Variants in LRRTM3 observed in about 807,000 individuals in gnomAD.
LRRTM3 encodes the protein leucine-rich repeat transmembrane neuronal protein 3.
Under a neutral mutation model 44.7 loss-of-function variants are expected in LRRTM3, and 24 were observed. The ratio of observed to expected loss-of-function variants is 0.54; its 90% CI spans 0.39 to 0.76. LRRTM3 has a LOEUF of 0.76. Ranked by LOEUF, LRRTM3 falls within the 30% of genes least tolerant of loss-of-function variation. The pLI is 0.00. For missense variants in LRRTM3, 587 were observed against 702.2 expected (o/e 0.84, Z 1.85); for synonymous variants, 277 against 278.7 (o/e 0.99, Z 0.06).
chr10:67,007,610 C>G (rs1852072837), intron 2 of LRRTM3, among the ~76,000 whole-genome samples: 1 of 151,882 alleles, frequency 6.6e-6, no homozygotes, highest in Non-Finnish European at 1.5e-5. Context: ...AAGGTAAAGG[C>G]TTTTTTCTGA....
intron 2 of LRRTM3, among the ~76,000 whole-genome samples, chr10:67,041,018 G>A (rs1854357817): frequency 6.6e-6 from 1 of 151,952 alleles, no homozygotes; most frequent in African/African-American, 2.4e-5. Flanking sequence ...ATTACAGTAG[G>A]AGAAAAAGCA....
intron 2 of LRRTM3, among the ~76,000 whole-genome samples, chr10:67,017,839 G>A (rs975822640): frequency 2.6e-5 from 4 of 151,838 alleles, no homozygotes; most frequent in Admixed American, 6.6e-5. Flanking sequence ...GCCCAATCTC[G>A]GCTCACTGCA....
chr10:67,046,702 A>G (rs1854770067), intron 2 of LRRTM3, among the ~76,000 whole-genome samples: 1 of 152,214 alleles, frequency 6.6e-6, no homozygotes. Flanking sequence ...GAGAAGATAA[A>G]TGTATTGACT....
rs1164365626 is a variant in LRRTM3 at position 66,928,256 on chromosome 10, C to T, written c.1340C>T (p.Ala447Val). 1 of 1,614,044 alleles carries T rather than the reference C, an allele frequency of 6.2e-7. No homozygotes were observed. Among genetic ancestry groups the T allele is most frequent in the Non-Finnish European group, 8.5e-7 (1 of 1,180,028 alleles). Residue 447 changes from alanine (A) to valine (V), a missense_variant, in exon 2 of 3, where the codon GCG (alanine) becomes GTG (valine). By Grantham distance (64) the Ala-to-Val change is moderately conservative. Around this residue, in one of 3 missense-constraint regions of LRRTM3, gnomAD observed 315 missense variants for 335.6 expected, o/e 0.94. Coordinates refer to ENST00000361320, the MANE Select transcript of LRRTM3 (RefSeq NM_178011.5). Reference sequence around the variant, plus strand: ...TACGTGTCATGGAAGCGGTACCCTGCGAGCATGAAGCAGCTGCAGCAGCGC... The same window carrying T: ...TACGTGTCATGGAAGCGGTACCCTGTGAGCATGAAGCAGCTGCAGCAGCGC... ...VIYVSWKRYPASMKQLQQRSL... is the reference protein window; with the variant it reads ...VIYVSWKRYPVSMKQLQQRSL...
chr10:67,062,677 C>A (rs1855828548), intron 2 of LRRTM3, among the ~76,000 whole-genome samples: 1 of 152,180 alleles, frequency 6.6e-6, no homozygotes, highest in Non-Finnish European at 1.5e-5. Context: ...AATTCTGCAT[C>A]ATCTCTGCCC....
At chr10:67,009,040 C>T (rs911298621) in intron 2 of LRRTM3, among the ~76,000 whole-genome samples, 1 of 152,008 alleles carries the variant, frequency 6.6e-6, no homozygotes, top group African/African-American at 2.4e-5. Flanking sequence ...TTTAATAAAC[C>T]TGTGGGAAAA....
intron 2 of LRRTM3, among the ~76,000 whole-genome samples, chr10:66,990,391 A>G (rs1850979098): frequency 6.6e-6 from 1 of 152,210 alleles, no homozygotes; most frequent in Non-Finnish European, 1.5e-5. Flanking sequence ...TTAAATAAGA[A>G]AGATGCACAG....
Position 67,099,167 on chromosome 10 carries a change from T to C in LRRTM3, c.*1371T>C, listed in dbSNP as rs1288805849. ...TAATTTGACACCAGCCCAGATCATA[T>C]ATTGATTATACAATTGTATTATAAA... On this transcript the variant is annotated 3_prime_UTR_variant, in exon 3 of 3. Coordinates refer to ENST00000361320, the MANE Select transcript of LRRTM3 (RefSeq NM_178011.5). 1 of 151,830 alleles carries C rather than the reference T, an allele frequency of 6.6e-6. No individual in the cohort carries two copies. Among genetic ancestry groups the C allele is most frequent in the Non-Finnish European group, 1.5e-5 (1 of 67,848 alleles). The allele number at this position is 151,830 out of a possible 1,614,324, so 9.4% of individuals were successfully genotyped here. A position where few individuals can be genotyped will look rare whatever the true frequency, so the allele number is the denominator to read the frequency against.
At chr10:67,037,368 T>TAA (rs1252201779) in intron 2 of LRRTM3, among the ~76,000 whole-genome samples, 34 of 107,570 alleles carry the variant, frequency 3.2e-4, no homozygotes, top group African/African-American at 1.2e-3. Flanking sequence ...AATGGAAATC[T>TAA]AAAAAAAAAA....
rs547370502 is a variant in LRRTM3 at position 67,098,879 on chromosome 10, C to G, written c.*1083C>G. 6.6e-6 allele frequency: 1 copy of G among 151,904 alleles called. No homozygotes were observed. The highest frequency in any genetic ancestry group is 1.5e-5 in the Non-Finnish European group (1 of 67,830). The allele number at this position is 151,904 out of a possible 1,614,324, so 9.4% of individuals were successfully genotyped here. ...TGCAAAATGTGCCTGGTTCTTAAGA[C>G]AACTTTTTATTTAGAACTGTGAGAC... On this transcript the variant is annotated 3_prime_UTR_variant, in exon 3 of 3. Coordinates refer to ENST00000361320, the MANE Select transcript of LRRTM3 (RefSeq NM_178011.5).
chr10:66,949,466 G>A (rs530459877), intron 2 of LRRTM3, among the ~76,000 whole-genome samples: 1 of 152,192 alleles, frequency 6.6e-6, no homozygotes, highest in Non-Finnish European at 1.5e-5. Context: ...GCTGAGGCAG[G>A]AGAATTGCTT....
chr10:66,978,552 A>AAATAAAAAATAAAAAAAAAATATATATAT, intron 2 of LRRTM3, among the ~76,000 whole-genome samples: 1 of 37,866 alleles, frequency 2.6e-5, no homozygotes, highest in Non-Finnish European at 4.8e-5. Flanking sequence ...AAAAAAAAAA[A>AAATAAAAAATAAAAAAAAAATATATATAT]ATATATATAT....
Position 66,959,610 on chromosome 10 carries a change from T to G in LRRTM3, c.1536+31158T>G, listed in dbSNP as rs537511582. Among the ~76,000 whole-genome samples, 12 of 152,296 alleles carry G rather than the reference T, an allele frequency of 7.9e-5. No individual in the cohort carries two copies. In the East Asian group the frequency reaches 2.3e-3, roughly 29 times the overall value. On this transcript the variant is annotated intron_variant, in intron 2 of 2. Coordinates refer to ENST00000361320, the MANE Select transcript of LRRTM3 (RefSeq NM_178011.5). The stretch of plus-strand genomic sequence containing the variant: ...TGAACTGGTGAAAGTAGATGATTTC[T>G]ACAACTACTTTCAGGTCTAACATTC...
intron 2 of LRRTM3, among the ~76,000 whole-genome samples, chr10:66,961,945 T>A (rs1849130622): frequency 6.6e-6 from 1 of 152,132 alleles, no homozygotes; most frequent in Non-Finnish European, 1.5e-5. Context: ...CACTTCCAAC[T>A]CATCACTAAA....
In LRRTM3 at chr10:66,926,552, G is replaced by A. The variant is rs1246529753; in HGVS notation, c.-32G>A. On this transcript the variant is annotated 5_prime_UTR_variant, in exon 1 of 3. Coordinates refer to ENST00000361320, the MANE Select transcript of LRRTM3 (RefSeq NM_178011.5). Reference sequence around the variant, plus strand: ...AACTGGCCCCTAAGCCAAAGCAAAAGACCTAAGGACGACCTTTGAACAATA... The same window carrying A: ...AACTGGCCCCTAAGCCAAAGCAAAAAACCTAAGGACGACCTTTGAACAATA... 6.2e-7 allele frequency: 1 copy of A among 1,613,620 alleles called. No individual in the cohort carries two copies. Among genetic ancestry groups the A allele is most frequent in the Non-Finnish European group, 8.5e-7 (1 of 1,179,858 alleles).
chr10:66,982,920 T>C (rs574143425), intron 2 of LRRTM3, among the ~76,000 whole-genome samples: 3 of 152,084 alleles, frequency 2.0e-5, no homozygotes, highest in Non-Finnish European at 4.4e-5. Context: ...CAATGCAAGC[T>C]ACATCTTAAG....
intron 2 of LRRTM3, among the ~76,000 whole-genome samples, chr10:66,954,197 T>C (rs1848678476): frequency 6.6e-6 from 1 of 152,220 alleles, no homozygotes; most frequent in African/African-American, 2.4e-5. Context: ...TATAGATTTT[T>C]CTTAATACAT....
intron 2 of LRRTM3, chr10:67,054,729 G>A (rs1427902397): frequency 1.3e-5 from 2 of 152,048 alleles, no homozygotes; most frequent in Non-Finnish European, 2.9e-5. Flanking sequence ...TACAATCGAA[G>A]TACAACACTT....
intron 2 of LRRTM3, among the ~76,000 whole-genome samples, chr10:66,992,597 T>C (rs1425940179): frequency 6.6e-5 from 10 of 152,166 alleles, no homozygotes; most frequent in Admixed American, 6.6e-4. Context: ...AGTCTTTTCA[T>C]TTAACACTTA....
Sources: gnomAD v4.1 joint callset for allele counts (sites outside exome capture counted in the v4.1 genomes callset) on GRCh38, gnomAD v4.1.1 for gene constraint, gnomAD v4.1.1 regional missense constraint, MANE v1.5 for transcripts, NCBI Gene and HGNC (gene_info 2026-07-23, HGNC 2026-07-21) for gene names.